GARIN5B: variants seen among roughly 807,000 people sequenced by gnomAD.
GARIN5B encodes the protein golgi associated RAB2 interactor family member 5B.
the GARIN5B span, chr19:55,358,359 T>C: frequency 7.9e-6 from 12 of 1,520,360 alleles, no homozygotes; most frequent in South Asian, 2.5e-5. Context: ...ATCTTTGAGA[T>C]GAGGGTCTCC....
chr19:55,359,304 G>C, the GARIN5B span: 13 of 1,551,074 alleles, frequency 8.4e-6, no homozygotes, highest in Non-Finnish European at 1.1e-5. Flanking sequence ...GGAGCAGTGG[G>C]GGACACAGCC....
chr19:55,356,654 T>C, the GARIN5B span, among the ~76,000 whole-genome samples: 1 of 152,114 alleles, frequency 6.6e-6, no homozygotes, highest in Non-Finnish European at 1.5e-5. Flanking sequence ...CCCAAACTTG[T>C]CACCATTTTT....
the GARIN5B span, among the ~76,000 whole-genome samples, chr19:55,357,588 C>A: frequency 1.3e-5 from 2 of 152,192 alleles, no homozygotes; most frequent in Non-Finnish European, 2.9e-5. Context: ...CCCTAGAGCA[C>A]CTGGGCTGTG....
chr19:55,361,242 G>A, the GARIN5B span: 1 of 1,550,888 alleles, frequency 6.4e-7, no homozygotes, highest in African/African-American at 1.4e-5. Flanking sequence ...ACCCTGACTG[G>A]GAAGAGAGGA....
the GARIN5B span, chr19:55,362,630 G>C: frequency 6.5e-7 from 1 of 1,547,644 alleles, no homozygotes; most frequent in Non-Finnish European, 8.7e-7. Context: ...TGGCCGATCA[G>C]CAAGATGTCA....
chr19:55,358,861 C>T, the GARIN5B span: 5 of 1,547,648 alleles, frequency 3.2e-6, no homozygotes, highest in East Asian at 1.2e-4. Context: ...CCCATCTCTT[C>T]CGCTGCTCCA....
the GARIN5B span, chr19:55,359,204 G>A: frequency 2.6e-6 from 4 of 1,551,210 alleles, no homozygotes; most frequent in African/African-American, 5.5e-5. Context: ...CCCCCGTGAG[G>A]CAGGCGGGCT....
At chr19:55,356,257 C>T in the GARIN5B span, among the ~76,000 whole-genome samples, 2 of 152,082 alleles carry the variant, frequency 1.3e-5, no homozygotes, top group Non-Finnish European at 2.9e-5. Flanking sequence ...ATTGCCCAGG[C>T]TGCAGTGCAG....
the GARIN5B span, chr19:55,355,458 G>A: frequency 4.6e-6 from 5 of 1,082,122 alleles, no homozygotes; most frequent in Admixed American, 2.1e-5. Flanking sequence ...CCCCCAGGGC[G>A]GGTCTTGCTG....
At chr19:55,362,405 A>G in the GARIN5B span, 1 of 1,550,636 alleles carries the variant, frequency 6.4e-7, no homozygotes, top group South Asian at 1.2e-5. Context: ...AGGGGCGTCC[A>G]GGGCCAGGTA....
chr19:55,362,943 G>A, the GARIN5B span: 5 of 1,505,418 alleles, frequency 3.3e-6, no homozygotes, highest in South Asian at 1.3e-5. Flanking sequence ...TCGAACATGG[G>A]CAGCGGACGG....
chr19:55,361,755 C>CG, the GARIN5B span, among the ~76,000 whole-genome samples: 1 of 21,866 alleles, frequency 4.6e-5, no homozygotes, highest in African/African-American at 9.5e-5. Flanking sequence ...GACTGCCAGC[C>CG]CTCCACCCTC....
At chr19:55,358,457 G>A in the GARIN5B span, 7 of 1,526,788 alleles carry the variant, frequency 4.6e-6, no homozygotes, top group South Asian at 5.0e-5. Context: ...CAGACTGGCA[G>A]AGGTGGGCTT....
the GARIN5B span, among the ~76,000 whole-genome samples, chr19:55,355,602 C>T: frequency 1.3e-5 from 2 of 152,138 alleles, no homozygotes; most frequent in Non-Finnish European, 2.9e-5. Context: ...GGTGGTTTCA[C>T]CTCTAGATCC....
chr19:55,357,740 G>C, the GARIN5B span, among the ~76,000 whole-genome samples: 1 of 152,218 alleles, frequency 6.6e-6, no homozygotes, highest in Admixed American at 6.5e-5. Flanking sequence ...CTGGCACAGA[G>C]TCGGCACTCA....
chr19:55,355,407 C>T, the GARIN5B span: 2 of 1,526,696 alleles, frequency 1.3e-6, no homozygotes, highest in Non-Finnish European at 8.9e-7. Flanking sequence ...GAGGGGTACC[C>T]AGGGCTTTAA....
the GARIN5B span, among the ~76,000 whole-genome samples, chr19:55,357,391 C>G: frequency 6.6e-6 from 1 of 152,222 alleles, no homozygotes; most frequent in Non-Finnish European, 1.5e-5. Flanking sequence ...GGGCGCCCCC[C>G]TGCTGCACCT....
chr19:55,356,962 C>G, the GARIN5B span, among the ~76,000 whole-genome samples: 1 of 152,064 alleles, frequency 6.6e-6, no homozygotes, highest in Non-Finnish European at 1.5e-5. Flanking sequence ...AAGAGGCTGA[C>G]AGGAGAATTG....
At chr19:55,359,528 G>A in the GARIN5B span, 12 of 1,551,314 alleles carry the variant, frequency 7.7e-6, no homozygotes, top group South Asian at 1.2e-5. Context: ...CCGGGGAGGA[G>A]CTGACGCAGC....
Sources: gnomAD v4.1 joint callset for allele counts (sites outside exome capture counted in the v4.1 genomes callset) on GRCh38, gnomAD v4.1.1 for gene constraint, MANE v1.5 for transcripts, NCBI Gene and HGNC (gene_info 2026-07-23, HGNC 2026-07-21) for gene names.